ARFGAP2: variants seen among roughly 807,000 people sequenced by gnomAD.
The protein encoded by ARFGAP2 is ARF GTPase activating protein 2, also known as ADP-ribosylation factor GTPase-activating protein 2.
Under a neutral mutation model 71.9 loss-of-function variants are expected in ARFGAP2, and 45 were observed. That is an observed-to-expected ratio of 0.63 (90% CI 0.49 to 0.80). The LOEUF is 0.80. Among genes scored for constraint, ARFGAP2 ranks in the 30% least tolerant of loss-of-function variants. The pLI, the probability that ARFGAP2 is intolerant of heterozygous loss-of-function variation, is 0.00. For missense variants in ARFGAP2, 633 were observed against 673.9 expected, an observed-to-expected ratio of 0.94 and a Z score of 0.67; for synonymous variants, 248 against 249.2, an observed-to-expected ratio of 1.00 and a Z score of 0.05.
At position 47,168,109 on chromosome 11, in the gene ARFGAP2, G is replaced by GA; in HGVS notation, c.1070+13dup. 1.2e-6 allele frequency: 2 copies of GA among 1,614,218 alleles called. No individual in the cohort carries two copies. Among genetic ancestry groups the GA allele is most frequent in the South Asian group, 2.2e-5 (2 of 91,086 alleles). On this transcript the variant is annotated intron_variant, in intron 11 of 15. Coordinates refer to ENST00000524782, the MANE Select transcript of ARFGAP2 (RefSeq NM_032389.6). ...AACACAGCAGCCAAGTTTACAGCTA[G>GA]AAAACAGCCTTACTTTGGGGGTCCA...
chr11:47,168,145 T>A lies in ARFGAP2; in HGVS notation c.1048A>T (p.Thr350Ser). ...SQLDLFDDVG[T>S]FASGPPKYKD... ...TACTTTGGGGGTCCAGAGGCGAAAG[T>A]ACCAACATCGTCAAACAAGTCCAGC... is the stretch of plus-strand genomic sequence containing the variant. Residue 350 changes from threonine (T) to serine (S), a missense_variant, in exon 11 of 16, where the codon ACT becomes TCT. Transcript: ENST00000524782. 1 of 1,614,232 alleles carries A rather than the reference T, an allele frequency of 6.2e-7. No homozygotes were observed. Among genetic ancestry groups the A allele is most frequent in the Non-Finnish European group, 8.5e-7 (1 of 1,180,042 alleles).
At chr11:47,176,000 G>A (rs1432272940) in intron 2 of ARFGAP2, 77 bp from the exon 3 acceptor site, 26 of 1,498,246 alleles carry the variant, frequency 1.7e-5, no homozygotes, top group Non-Finnish European at 2.4e-5. Flanking sequence ...CCTGTCACTT[G>A]GCCTCAGGCT....
chr11:47,164,458 A>T lies in ARFGAP2; in HGVS notation c.*1024T>A. On this transcript the variant is annotated 3_prime_UTR_variant, in exon 16 of 16. Coordinates refer to ENST00000524782, the MANE Select transcript of ARFGAP2 (RefSeq NM_032389.6). ...CTTGGGAGCCCAACCTACAACCCAA[A>T]GGTGGGGGCTGGGCTGAGACTGCCG... 1 of 486,548 alleles carries T rather than the reference A, an allele frequency of 2.1e-6. No homozygotes were observed. Among genetic ancestry groups the T allele is most frequent in the South Asian group, 3.0e-5 (1 of 33,300 alleles). The allele number at this position is 486,548 out of a possible 1,614,324, so 30.1% of individuals were successfully genotyped here.
chr11:47,165,512 A>C lies in ARFGAP2; in HGVS notation c.1546-10T>G. ...AGGAACCGTAGCGATCCTGGGGGCG[A>C]GGGGGGAGAAAAAAAAAAAAAAAGT... On this transcript the variant is annotated splice_polypyrimidine_tract_variant and intron_variant, in intron 15 of 15. Coordinates refer to ENST00000524782, the MANE Select transcript of ARFGAP2 (RefSeq NM_032389.6). The C allele has an allele frequency of 6.7e-7, 1 of 1,501,670 alleles. No homozygotes were observed. Among genetic ancestry groups the C allele is most frequent in the South Asian group, 1.3e-5 (1 of 77,904 alleles). 93.0% of individuals were successfully genotyped at this position (1,501,670 alleles called of 1,614,324 possible). A position where few individuals can be genotyped will look rare whatever the true frequency, so the allele number is the denominator to read the frequency against.
intron 11 of ARFGAP2, 25 bp downstream of exon 11, chr11:47,168,098 G>C (rs1275598555): frequency 6.2e-7 from 1 of 1,614,080 alleles, no homozygotes; most frequent in African/African-American, 1.3e-5. Context: ...CAGCAGCCAA[G>C]TTTACAGCTA....
chr11:47,176,817 G>T lies in ARFGAP2; in HGVS notation c.37C>A (p.Leu13Ile), dbSNP rs1952854803. 1 of 1,614,040 alleles carries T rather than the reference G, an allele frequency of 6.2e-7. No individual in the cohort carries two copies. The highest frequency in any genetic ancestry group is 1.1e-5 in the South Asian group (1 of 91,086). ...GGAACTGCGCGAAGCCTCTTAAAAA[G>T]AGTCTGGATTTCGGTCTTGTTCGGC... ...AEPNKTEIQT[L>I]FKRLRAVPTN... The change falls in exon 1 of 16, where the codon CTT (leucine) becomes ATT (isoleucine). Residue 13 changes from leucine (L) to isoleucine (I), a missense_variant. By Grantham distance (5) the Leu-to-Ile change is conservative. Coordinates refer to ENST00000524782, the MANE Select transcript of ARFGAP2 (RefSeq NM_032389.6).
Position 47,171,653 on chromosome 11 carries a change from C to G in ARFGAP2, c.809+11G>C, listed in dbSNP as rs371450713. On this transcript the variant is annotated intron_variant, in intron 9 of 15. Transcript: ENST00000524782. The stretch of plus-strand genomic sequence containing the variant: ...CCGCAGAAGCCTGAGGCCCCGGCAG[C>G]AAACACTTACATGGACTCCTCCGCC... The G allele has an allele frequency of 4.8e-5, 78 of 1,613,674 alleles. No homozygotes were observed. In the African/African-American group the frequency reaches 9.3e-4, roughly 19 times the overall value.
In ARFGAP2 at chr11:47,168,262, A is replaced by G. The variant is rs545061391; in HGVS notation, c.942-11T>C. On this transcript the variant is annotated splice_polypyrimidine_tract_variant and intron_variant, in intron 10 of 15. Transcript: ENST00000524782. ...GAGTGGGAGACAGAGCTGCGCAGCA[A>G]AGCAGAGCCAGGCATGAGACCAAAG... 71 of 1,613,946 alleles carry G rather than the reference A, an allele frequency of 4.4e-5. No homozygotes were observed. The South Asian group carries it at 6.7e-4, about 15-fold the overall frequency.
At chr11:47,172,879 CT>C (rs1952657791) in intron 7 of ARFGAP2, 2 of 871,006 alleles carry the variant, frequency 2.3e-6, no homozygotes, top group Non-Finnish European at 3.2e-6. Context: ...ATGGATCAGT[CT>C]GACAGTCACT....
chr11:47,168,386 G>C (rs1453205841), intron 10 of ARFGAP2, 135 bp from the exon 11 acceptor site: 1 of 1,213,322 alleles, frequency 8.2e-7, no homozygotes, highest in Non-Finnish European at 1.1e-6. Context: ...CCAAGCACAG[G>C]GCTGGGCCAG....
chr11:47,168,098 G>T lies in ARFGAP2; in HGVS notation c.1070+25C>A, dbSNP rs1275598555. 4 of 1,614,198 alleles carry T rather than the reference G, an allele frequency of 2.5e-6. No homozygotes were observed. In the South Asian group the frequency reaches 4.4e-5, roughly 18 times the overall value. ...GCCTGATGAGGAACACAGCAGCCAA[G>T]TTTACAGCTAGAAAACAGCCTTACT... On this transcript the variant is annotated intron_variant, in intron 11 of 15. Transcript: ENST00000524782.
In ARFGAP2 at chr11:47,173,847, A is replaced by T. The variant is rs1224730054; in HGVS notation, c.481-7T>A. 3 of 1,593,310 alleles carry T rather than the reference A, an allele frequency of 1.9e-6. No individual in the cohort carries two copies. The South Asian group carries it at 3.4e-5, about 18-fold the overall frequency. On this transcript the variant is annotated splice_polypyrimidine_tract_variant and splice_region_variant and intron_variant, in intron 5 of 15. Transcript: ENST00000524782. ...GCGCATCCCAGGCAGGGGGCTGAAAAGGAGGCCAGATCACAGATGCCTCGG... is the reference window on the plus strand; with the variant it reads ...GCGCATCCCAGGCAGGGGGCTGAAATGGAGGCCAGATCACAGATGCCTCGG...
At chr11:47,176,163 C>T in intron 2 of ARFGAP2, 1 of 594,768 alleles carries the variant, frequency 1.7e-6, no homozygotes. Context: ...GCACGCACGC[C>T]TGGATTTGGC....
At chr11:47,172,485 T>TCAAAGC in intron 7 of ARFGAP2, 152 bp from the exon 8 acceptor site, 1 of 1,124,294 alleles carries the variant, frequency 8.9e-7, no homozygotes, top group Non-Finnish European at 1.3e-6. Context: ...ACCAGCGGTG[T>TCAAAGC]CAAAGCCAAA....
chr11:47,171,087 G>A (rs1952580616), intron 10 of ARFGAP2, among the ~76,000 whole-genome samples: 1 of 152,134 alleles, frequency 6.6e-6, no homozygotes, highest in Admixed American at 6.5e-5. Flanking sequence ...CAGGAATTAA[G>A]GATGATACTA....
chr11:47,172,625 G>T (rs541577398), intron 7 of ARFGAP2: 1 of 1,312,382 alleles, frequency 7.6e-7, no homozygotes, highest in East Asian at 3.9e-5. Context: ...CTGCGAGGCA[G>T]GGAGCATATG....
At chr11:47,173,948 G>A (rs755450451) in intron 5 of ARFGAP2, 108 bp from the exon 6 acceptor site, 97 of 1,531,036 alleles carry the variant, frequency 6.3e-5, no homozygotes, top group Non-Finnish European at 7.5e-5. Flanking sequence ...CCAAACCCAT[G>A]AGGAAAGGGA....
chr11:47,168,212 A>T lies in ARFGAP2; in HGVS notation c.981T>A (p.Ile327=). ...SHSVLSEMQV[I]EQETPVSAKS... is the part of the protein sequence containing the mutation. ...TTGCACTCACTGGGGTTTCCTGCTC[A>T]ATCACCTGCATCTCAGACAGCACGG... Residue 327 remains isoleucine (I), a synonymous_variant, in exon 11 of 16, where the codon ATT becomes ATA. Coordinates refer to ENST00000524782, the MANE Select transcript of ARFGAP2 (RefSeq NM_032389.6). 1 of 1,614,236 alleles carries T rather than the reference A, an allele frequency of 6.2e-7. No homozygotes were observed. The highest frequency in any genetic ancestry group is 2.2e-5 in the East Asian group (1 of 44,884).
intron 10 of ARFGAP2, 94 bp downstream of exon 10, chr11:47,171,332 C>G: frequency 6.4e-7 from 1 of 1,553,170 alleles, no homozygotes; most frequent in Non-Finnish European, 8.7e-7. Flanking sequence ...CTTGGAGAAA[C>G]AATAAGCCTA....
Sources: allele counts gnomAD v4.1 joint callset (sites outside exome capture counted in the v4.1 genomes callset), GRCh38; gene constraint gnomAD v4.1.1; transcripts MANE v1.5; gene names NCBI Gene and HGNC (gene_info 2026-07-23, HGNC 2026-07-21).